The following MEGF9 variants were observed in gnomAD, a reference collection of about 807,000 sequenced individuals.
MEGF9 encodes the protein multiple epidermal growth factor-like domains protein 9.
A neutral mutation model predicts 46.8 loss-of-function variants in MEGF9; 6 were observed. That is an observed-to-expected ratio of 0.13 (90% CI 0.07 to 0.25). The LOEUF (loss-of-function observed/expected upper bound fraction) is 0.25, where lower values mean the gene tolerates loss of function less well. Among genes scored for constraint, MEGF9 ranks in the 10% least tolerant of loss-of-function variants. The pLI is 1.00. For missense variants in MEGF9, 683 were observed against 792.4 expected, an observed-to-expected ratio of 0.86 and a Z score of 1.66; for synonymous variants, 302 against 330.7, an observed-to-expected ratio of 0.91 and a Z score of 0.94.
chr9:120,609,549 A>G (rs2043435221), intron 4 of MEGF9, among the ~76,000 whole-genome samples: 1 of 152,224 alleles, frequency 6.6e-6, no homozygotes, highest in African/African-American at 2.4e-5. Flanking sequence ...CCTAAAACAT[A>G]GCACGTGTTC....
rs149898889 is a variant in MEGF9 at position 120,713,979 on chromosome 9, G to T, written c.380C>A (p.Pro127His). ...QAPLGPSPTTPPAAERTSTTS... is the reference protein window; with the variant it reads ...QAPLGPSPTTHPAAERTSTTS... ...GGTCGAAGTGCGTTCCGCCGCCGGA[G>T]GGGTGGTCGGCGAGGGGCCGAGCGG... The change falls in exon 1 of 6, where the codon CCT (proline) becomes CAT (histidine). Residue 127 changes from proline to histidine, a missense_variant. Physicochemically the swap from Pro to His is moderately conservative, Grantham distance 77 (BLOSUM62 -2). Coordinates refer to ENST00000373930, the MANE Select transcript of MEGF9 (RefSeq NM_001080497.3). The T allele has an allele frequency of 1.4e-6, 2 of 1,382,700 alleles. No individual in the cohort carries two copies. 85.7% of individuals were successfully genotyped at this position (1,382,700 alleles called of 1,614,324 possible). A position where few individuals can be genotyped will look rare whatever the true frequency, so the allele number is the denominator to read the frequency against.
intron 1 of MEGF9, among the ~76,000 whole-genome samples, chr9:120,709,885 C>T (rs2043945213): frequency 6.6e-6 from 1 of 151,776 alleles, no homozygotes; most frequent in Non-Finnish European, 1.5e-5. Context: ...CCCATCTCTA[C>T]TAAAAATACA....
intron 3 of MEGF9, among the ~76,000 whole-genome samples, chr9:120,619,302 G>A (rs1342596727): frequency 2.6e-5 from 4 of 152,136 alleles, no homozygotes; most frequent in Admixed American, 6.5e-5. Context: ...AGCCGAGATC[G>A]CGCCACCATA....
chr9:120,709,342 G>A (rs1002760063), intron 1 of MEGF9, among the ~76,000 whole-genome samples: 1 of 152,094 alleles, frequency 6.6e-6, no homozygotes. Flanking sequence ...GAAACCACGA[G>A]GCGGAGGTTG....
chr9:120,608,079 T>C (rs2043427630), intron 4 of MEGF9, 69 bp from the exon 5 acceptor site: 9 of 1,535,508 alleles, frequency 5.9e-6, no homozygotes, highest in Non-Finnish European at 8.0e-6. Flanking sequence ...AAACAACTAC[T>C]AGTCCTTAAA....
At chr9:120,656,382 C>T (rs1415515178) in intron 2 of MEGF9, among the ~76,000 whole-genome samples, 1 of 151,846 alleles carries the variant, frequency 6.6e-6, no homozygotes. Flanking sequence ...CCCACCTCTA[C>T]TAAAAATACA....
intron 1 of MEGF9, among the ~76,000 whole-genome samples, chr9:120,667,943 T>G (rs552083752): frequency 6.6e-6 from 1 of 152,330 alleles, no homozygotes; most frequent in East Asian, 1.9e-4. Flanking sequence ...GAGAATCGCT[T>G]AAACCTGGGA....
chr9:120,680,419 A>C (rs560084444), intron 1 of MEGF9, among the ~76,000 whole-genome samples: 24 of 152,262 alleles, frequency 1.6e-4, no homozygotes, highest in Non-Finnish European at 1.3e-4. Context: ...AAGATCTGGA[A>C]TTCTGTGGAT....
At chr9:120,612,653 T>C (rs1363096373) in intron 3 of MEGF9, 114 bp from the exon 4 acceptor site, 17 of 880,984 alleles carry the variant, frequency 1.9e-5, no homozygotes, top group East Asian at 2.7e-5. Context: ...CTAATAGGGA[T>C]TGGATAGAGT....
chr9:120,711,208 T>A (rs1209050392), intron 1 of MEGF9, among the ~76,000 whole-genome samples: 1 of 152,228 alleles, frequency 6.6e-6, no homozygotes, highest in East Asian at 1.9e-4. Context: ...CTCTGCTTTT[T>A]AAAGTGAAGC....
chr9:120,611,887 A>G (rs58043346), intron 4 of MEGF9, among the ~76,000 whole-genome samples: 4,781 of 75,080 alleles, frequency 0.064, 268 homozygotes, highest in African/African-American at 0.16. Context: ...GAGAGAGAGA[A>G]AGAAAGAAAG....
At chr9:120,636,851 G>C (rs1433721204) in intron 2 of MEGF9, among the ~76,000 whole-genome samples, 1 of 119,342 alleles carries the variant, frequency 8.4e-6, no homozygotes, top group Non-Finnish European at 2.0e-5. Context: ...CCCCGTCTGG[G>C]GGGTGGGGGG....
At position 120,612,447 on chromosome 9, in the gene MEGF9, A is replaced by G; in HGVS notation, c.1036T>C (p.Cys346Arg). 6.2e-7 allele frequency: 1 copy of G among 1,613,774 alleles called. No homozygotes were observed. The highest frequency in any genetic ancestry group is 8.5e-7 in the Non-Finnish European group (1 of 1,179,744). ...FYQSPDATKECLRCPCSAVTS... is the reference protein window; with the variant it reads ...FYQSPDATKERLRCPCSAVTS... Reference sequence around the variant, plus strand: ...ACTGCTGAACAAGGGCAGCGAAGACATTCTTTAGTGGCATCAGGACTCTGA... The same window carrying G: ...ACTGCTGAACAAGGGCAGCGAAGACGTTCTTTAGTGGCATCAGGACTCTGA... The change falls in exon 4 of 6, where the codon TGT becomes CGT. Residue 346 changes from cysteine (C) to arginine (R), a missense_variant. Physicochemically the swap from Cys to Arg is radical, Grantham distance 180 (BLOSUM62 -3). Coordinates refer to ENST00000373930, the MANE Select transcript of MEGF9 (RefSeq NM_001080497.3).
At chr9:120,711,840 T>TACACACACAC (rs146669450) in intron 1 of MEGF9, among the ~76,000 whole-genome samples, 6,467 of 139,024 alleles carry the variant, frequency 0.047, 197 homozygotes, top group Admixed American at 0.072. Flanking sequence ...TATACATACA[T>TACACACACAC]ACATACACAC....
intron 1 of MEGF9, among the ~76,000 whole-genome samples, chr9:120,712,177 G>C (rs959777452): frequency 6.6e-6 from 1 of 152,160 alleles, no homozygotes; most frequent in Non-Finnish European, 1.5e-5. Context: ...AGGATCGCTT[G>C]AGCCTGGGAG....
chr9:120,679,045 A>G (rs983839063), intron 1 of MEGF9, among the ~76,000 whole-genome samples: 2 of 152,228 alleles, frequency 1.3e-5, no homozygotes, highest in Admixed American at 1.3e-4. Flanking sequence ...AACTAGTTCA[A>G]CGATTTTAGA....
chr9:120,656,964 A>G (rs2043680267), intron 2 of MEGF9, among the ~76,000 whole-genome samples: 1 of 152,208 alleles, frequency 6.6e-6, no homozygotes, highest in African/African-American at 2.4e-5. Context: ...TGAACTGCCT[A>G]AAGTTACATG....
chr9:120,638,433 C>T (rs146808573), intron 2 of MEGF9, among the ~76,000 whole-genome samples: 1,658 of 152,288 alleles, frequency 0.011, 32 homozygotes, highest in African/African-American at 0.035. Context: ...AAACAAAAAC[C>T]TGCTTAAATT....
At chr9:120,652,768 T>C (rs2043659468) in intron 2 of MEGF9, among the ~76,000 whole-genome samples, 1 of 152,164 alleles carries the variant, frequency 6.6e-6, no homozygotes, top group Non-Finnish European at 1.5e-5. Context: ...CCAAATCTAC[T>C]CTTCTAGCTT....
Sources: allele counts gnomAD v4.1 joint callset (sites outside exome capture counted in the v4.1 genomes callset), GRCh38; gene constraint gnomAD v4.1.1; transcripts MANE v1.5; gene names NCBI Gene and HGNC (gene_info 2026-07-23, HGNC 2026-07-21).